Variants in ITGB8 observed in about 807,000 individuals in gnomAD.
The protein encoded by ITGB8 is integrin beta-8.
In ITGB8, 30 loss-of-function variants were observed where a neutral mutation model predicts 89.5. The ratio of observed to expected loss-of-function variants is 0.34; its 90% confidence interval spans 0.25 to 0.45. The LOEUF (loss-of-function observed/expected upper bound fraction) is 0.45, where lower values mean the gene tolerates loss of function less well. Ranked by LOEUF, ITGB8 falls within the 20% of genes least tolerant of loss-of-function variation. The probability of loss-of-function intolerance (pLI) is 1.00; values close to 1 mark genes in which losing one functional copy is unlikely to be tolerated. For missense variants in ITGB8, 836 were observed against 933.3 expected (o/e 0.90, Z 1.36); for synonymous variants, 335 against 320.4 (o/e 1.05, Z -0.49).
At position 20,370,600 on chromosome 7, in the gene ITGB8, T is replaced by TTTATTATTA. The variant is rs67123203; in HGVS notation, c.388+3432_388+3440dup. Among the ~76,000 whole-genome samples the TTTATTATTA allele has an allele frequency of 5.5e-3, 788 of 144,406 alleles. 4 individuals are homozygous for TTTATTATTA. The highest frequency in any genetic ancestry group is 0.015 in the African/African-American group (582 of 38,992). 94.7% of individuals were successfully genotyped at this position (144,406 alleles called of 152,430 possible). A position where few individuals can be genotyped will look rare whatever the true frequency, so the allele number is the denominator to read the frequency against. ...ACTACTTTATTTATTTATTTACTTA[T>TTTATTATTA]TTATTATTATTATTATTATTATTAT... On this transcript the variant is annotated intron_variant, in intron 3 of 13. Coordinates refer to ENST00000222573, the MANE Select transcript of ITGB8 (RefSeq NM_002214.3).
chr7:20,340,189 G>A (rs1784709415), intron 1 of ITGB8, among the ~76,000 whole-genome samples: 1 of 152,140 alleles, frequency 6.6e-6, no homozygotes, highest in South Asian at 2.1e-4. Flanking sequence ...TTGCTTTGTT[G>A]TAATCAAATA....
intron 6 of ITGB8, among the ~76,000 whole-genome samples, chr7:20,383,204 T>C (rs142255391): frequency 0.032 from 4,820 of 152,328 alleles, 122 homozygotes; most frequent in Non-Finnish European, 0.048. Context: ...AGAGTGGCAA[T>C]TGTATTACCA....
At position 20,379,083 on chromosome 7, in the gene ITGB8, C is replaced by CAG. The variant is rs1786269521; in HGVS notation, c.421_422insAG (p.Pro141GlnfsTer3). 1 of 1,593,488 alleles carries CAG rather than the reference C, an allele frequency of 6.3e-7. No individual in the cohort carries two copies. Among genetic ancestry groups the CAG allele is most frequent in the Admixed American group, 1.7e-5 (1 of 57,564 alleles). On this transcript the variant is annotated frameshift_variant, in exon 4 of 14. Coordinates refer to ENST00000222573, the MANE Select transcript of ITGB8 (RefSeq NM_002214.3). LOFTEE classifies it high-confidence loss of function. ...AGCTAATTTTATGCTGAAAGTTCAT[C>CAG]CTCTGAAGAAATATCCTGTGGATCT...
At chr7:20,401,664 T>G in intron 9 of ITGB8, 57 bp from the exon 10 acceptor site, 1 of 1,016,414 alleles carries the variant, frequency 9.8e-7, no homozygotes, top group Non-Finnish European at 1.4e-6. Flanking sequence ...GATATAATAT[T>G]GGTAATAAAA....
intron 9 of ITGB8, among the ~76,000 whole-genome samples, chr7:20,399,838 T>C (rs1308296696): frequency 2.0e-5 from 3 of 152,302 alleles, no homozygotes; most frequent in East Asian, 1.9e-4. Flanking sequence ...AATTATGTAA[T>C]GTCATGCTAT....
intron 1 of ITGB8, among the ~76,000 whole-genome samples, chr7:20,354,279 C>T (rs1029222591): frequency 3.3e-5 from 5 of 152,192 alleles, no homozygotes; most frequent in Admixed American, 1.3e-4. Flanking sequence ...AGTATTCTTA[C>T]TTTTCCAAGG....
At chr7:20,382,164 T>C in intron 6 of ITGB8, 1 of 268,962 alleles carries the variant, frequency 3.7e-6, no homozygotes, top group Non-Finnish European at 6.9e-6. Flanking sequence ...AAGATTTTAC[T>C]TTTTATGTAA....
rs1784402634 is a variant in ITGB8 at position 20,331,723 on chromosome 7, C to T, written c.-84C>T. 4 of 1,446,546 alleles carry T rather than the reference C, an allele frequency of 2.8e-6. No individual in the cohort carries two copies. Among genetic ancestry groups the T allele is most frequent in the Admixed American group, 5.4e-5 (2 of 36,786 alleles). The allele number at this position is 1,446,546 out of a possible 1,614,324, so 89.6% of individuals were successfully genotyped here. On this transcript the variant is annotated 5_prime_UTR_variant, in exon 1 of 14. Transcript: ENST00000222573. ...AAACGTCCTAGCGACACTCGGCCCG[C>T]GGGCCCCGAGGTGCGCCCGGGAGGC...
intron 9 of ITGB8, among the ~76,000 whole-genome samples, chr7:20,401,442 A>G (rs13242474): frequency 0.21 from 32,368 of 152,146 alleles, 3,923 homozygotes; most frequent in Non-Finnish European, 0.27. Flanking sequence ...GTGATGGGGT[A>G]GATGCTTCAG....
At position 20,379,309 on chromosome 7, in the gene ITGB8, T is replaced by G. The variant is rs530200881; in HGVS notation, c.635+12T>G. Reference sequence around the variant, plus strand: ...CATAATCAATGCAGGTATCTAGGGTTTGATGTGGATATGCTAAATTAATTT... The same window carrying G: ...CATAATCAATGCAGGTATCTAGGGTGTGATGTGGATATGCTAAATTAATTT... On this transcript the variant is annotated intron_variant, in intron 4 of 13. Coordinates refer to ENST00000222573, the MANE Select transcript of ITGB8 (RefSeq NM_002214.3). The G allele has an allele frequency of 9.2e-5, 140 of 1,522,352 alleles. 1 individual carries two copies. In the South Asian group the frequency reaches 1.7e-3, roughly 19 times the overall value. The allele number at this position is 1,522,352 out of a possible 1,614,324, so 94.3% of individuals were successfully genotyped here.
chr7:20,392,593 T>C (rs574341376), intron 7 of ITGB8, among the ~76,000 whole-genome samples: 2 of 151,744 alleles, frequency 1.3e-5, no homozygotes, highest in Admixed American at 1.3e-4. Flanking sequence ...TGTGTAGTGG[T>C]GAAGTCAGGG....
chr7:20,351,873 A>T (rs536176709), intron 1 of ITGB8, among the ~76,000 whole-genome samples: 4 of 74,962 alleles, frequency 5.3e-5, no homozygotes, highest in South Asian at 1.2e-3. Context: ...TTTGGACATG[A>T]ATAACAGTGC....
chr7:20,363,523 C>T, intron 1 of ITGB8, 114 bp from the exon 2 acceptor site: 2 of 503,382 alleles, frequency 4.0e-6, no homozygotes, highest in South Asian at 6.3e-5. Flanking sequence ...ATAAAAGGTC[C>T]TCTTGTTTCA....
intron 1 of ITGB8, among the ~76,000 whole-genome samples, chr7:20,346,292 C>T (rs1784920476): frequency 1.3e-5 from 2 of 152,038 alleles, no homozygotes; most frequent in African/African-American, 4.8e-5. Context: ...AGATAAGGGA[C>T]TGGGATATGG....
intron 1 of ITGB8, among the ~76,000 whole-genome samples, chr7:20,355,369 T>C (rs1474818659): frequency 6.6e-6 from 1 of 152,186 alleles, no homozygotes; most frequent in Non-Finnish European, 1.5e-5. Flanking sequence ...TTGCTAACAA[T>C]CTCTACTCTA....
In ITGB8 at chr7:20,410,395, C is replaced by CT. The variant is rs1266699569; in HGVS notation, c.*399dup. 1 of 168,850 alleles carries CT rather than the reference C, an allele frequency of 5.9e-6. No individual in the cohort carries two copies. Among genetic ancestry groups the CT allele is most frequent in the African/African-American group, 2.4e-5 (1 of 41,608 alleles). 10.5% of individuals were successfully genotyped at this position (168,850 alleles called of 1,614,324 possible). A position where few individuals can be genotyped will look rare whatever the true frequency, so the allele number is the denominator to read the frequency against. ...CTACAAGGGTACAGTAATCCCTGCA[C>CT]TGGACATGTGAGGAAAAAAATAATC... On this transcript the variant is annotated 3_prime_UTR_variant, in exon 14 of 14. Transcript: ENST00000222573.
At chr7:20,382,624 C>T (rs552082858) in intron 6 of ITGB8, among the ~76,000 whole-genome samples, 1 of 152,156 alleles carries the variant, frequency 6.6e-6, no homozygotes, top group African/African-American at 2.4e-5. Flanking sequence ...AGACCCTAGT[C>T]TCTCAGTGAT....
At chr7:20,348,824 A>C (rs767498682) in intron 1 of ITGB8, among the ~76,000 whole-genome samples, 5 of 152,216 alleles carry the variant, frequency 3.3e-5, no homozygotes, top group Non-Finnish European at 7.3e-5. Flanking sequence ...GGGAACAAGG[A>C]GAATATGTTT....
chr7:20,375,152 G>C (rs547086962), intron 3 of ITGB8, among the ~76,000 whole-genome samples: 3 of 152,056 alleles, frequency 2.0e-5, no homozygotes, highest in Non-Finnish European at 2.9e-5. Context: ...TTTGAACATA[G>C]TGTCGAAATT....
Sources: allele counts gnomAD v4.1 joint callset (sites outside exome capture counted in the v4.1 genomes callset), GRCh38; gene constraint gnomAD v4.1.1; transcripts MANE v1.5; gene names NCBI Gene and HGNC (gene_info 2026-07-23, HGNC 2026-07-21).